Variants in CTNNA2 observed in about 807,000 individuals in gnomAD.
CTNNA2 encodes catenin alpha-2.
CTNNA2 carries 42 observed loss-of-function variants against 101.0 expected under a neutral mutation model. The observed-to-expected ratio is 0.42, with a 90% CI of 0.32 to 0.54. CTNNA2 has a LOEUF of 0.54. Among genes scored for constraint, CTNNA2 ranks in the 20% least tolerant of loss-of-function variants. CTNNA2 has a pLI of 0.14. For missense variants in CTNNA2, 871 were observed against 1,223.1 expected, an observed-to-expected ratio of 0.71 and a Z score of 4.29; for synonymous variants, 450 against 456.4, an observed-to-expected ratio of 0.99 and a Z score of 0.18.
intron 9 of CTNNA2, among the ~76,000 whole-genome samples, chr2:80,477,306 GCTTT>G (rs1685802984): frequency 6.6e-6 from 1 of 152,090 alleles, no homozygotes; most frequent in South Asian, 2.1e-4. Flanking sequence ...CTAACTGATT[GCTTT>G]CTAGTCTGTT....
At chr2:79,782,188 T>C (rs1674497738) in intron 3 of CTNNA2, among the ~76,000 whole-genome samples, 1 of 152,190 alleles carries the variant, frequency 6.6e-6, no homozygotes, top group East Asian at 1.9e-4. Context: ...AAGCAAACTT[T>C]GGAAGAGTTA....
chr2:79,884,348 T>C (rs1683677207), intron 6 of CTNNA2, among the ~76,000 whole-genome samples: 2 of 152,132 alleles, frequency 1.3e-5, no homozygotes, highest in African/African-American at 4.8e-5. Context: ...ATTGCCATAT[T>C]TTCGTTATCT....
At chr2:79,691,650 C>T (rs998888574) in intron 2 of CTNNA2, among the ~76,000 whole-genome samples, 4 of 152,024 alleles carry the variant, frequency 2.6e-5, no homozygotes, top group African/African-American at 9.7e-5. Context: ...GTAACCAAAA[C>T]AGCATGGTAC....
chr2:79,479,339 C>T (rs754304670), intron 4 of CTNNA2, among the ~76,000 whole-genome samples: 13 of 152,152 alleles, frequency 8.5e-5, no homozygotes, highest in Admixed American at 7.2e-4. Context: ...ACAATGCACC[C>T]GCTAACCCTC....
intron 3 of CTNNA2, among the ~76,000 whole-genome samples, chr2:79,792,161 T>C (rs72914613): frequency 0.06 from 9,123 of 152,154 alleles, 673 homozygotes; most frequent in East Asian, 0.16. Flanking sequence ...CTCTGCTTTC[T>C]GAGGTCTTGT....
intron 3 of CTNNA2, among the ~76,000 whole-genome samples, chr2:79,835,483 C>G (rs1679253035): frequency 6.6e-6 from 1 of 152,106 alleles, no homozygotes; most frequent in Admixed American, 6.5e-5. Flanking sequence ...ATTCCCCTAG[C>G]TTGGCTTGTT....
intron 8 of CTNNA2, among the ~76,000 whole-genome samples, chr2:80,402,048 GA>G (rs1678596894): frequency 6.6e-6 from 1 of 152,170 alleles, no homozygotes; most frequent in Admixed American, 6.5e-5. Context: ...ATTTCTGACT[GA>G]CCAGCTATAC....
rs1573264468 is a variant in CTNNA2, at chr2:80,162,580, C to A, written c.1057-230631C>A. The A allele has an allele frequency of 1.9e-6, 3 of 1,610,366 alleles. No individual in the cohort carries two copies. In the East Asian group the frequency reaches 6.7e-5, roughly 36 times the overall value. The stretch of plus-strand genomic sequence containing the variant: ...TTTCCTCTGTAATGATGGTCAGACC[C>A]ATGATCAGTGTAACGCTGTTCCCGG... On this transcript the variant is annotated intron_variant, in intron 7 of 18. Transcript: ENST00000402739.
chr2:79,518,659 A>T (rs1292546359), intron 1 of CTNNA2, among the ~76,000 whole-genome samples: 1 of 152,200 alleles, frequency 6.6e-6, no homozygotes, highest in African/African-American at 2.4e-5. Context: ...GTGAAAATTC[A>T]GTCTTCCAAG....
At position 79,953,389 on chromosome 2, in the gene CTNNA2, C is replaced by T. The variant is rs114801160; in HGVS notation, c.1056+43592C>T. ...AGAGATGAATGTGATATGGTATGTA[C>T]GCCTGAGTTCACACTCCTGTCCTCA... On this transcript the variant is annotated intron_variant, in intron 7 of 18. Transcript: ENST00000402739. Among the ~76,000 whole-genome samples the T allele has an allele frequency of 4.7e-3, 711 of 152,290 alleles. 8 individuals carry two copies. The highest frequency in any genetic ancestry group is 0.016 in the African/African-American group (672 of 41,582).
chr2:80,211,619 G>A (rs1707895660), intron 7 of CTNNA2, among the ~76,000 whole-genome samples: 1 of 152,160 alleles, frequency 6.6e-6, no homozygotes, highest in African/African-American at 2.4e-5. Context: ...GGTTACTGTA[G>A]CCTTGTAGTA....
intron 7 of CTNNA2, among the ~76,000 whole-genome samples, chr2:80,319,436 G>A (rs886371760): frequency 5.1e-4 from 77 of 152,230 alleles, no homozygotes; most frequent in African/African-American, 1.7e-3. Context: ...ATAATATGGC[G>A]AACAGTATAT....
At chr2:80,489,767 C>T (rs1686891921) in intron 9 of CTNNA2, among the ~76,000 whole-genome samples, 1 of 152,062 alleles carries the variant, frequency 6.6e-6, no homozygotes, top group Admixed American at 6.6e-5. Context: ...GATGTATTCT[C>T]ATGGAAATGA....
intron 7 of CTNNA2, among the ~76,000 whole-genome samples, chr2:80,296,727 A>G (rs550474056): frequency 1.3e-5 from 2 of 152,298 alleles, no homozygotes; most frequent in East Asian, 3.9e-4. Context: ...TTGACATTTT[A>G]GGTCAAATAA....
chr2:79,623,720 G>T (rs1573502291), intron 1 of CTNNA2, among the ~76,000 whole-genome samples: 2 of 152,074 alleles, frequency 1.3e-5, no homozygotes, highest in African/African-American at 4.8e-5. Context: ...AGATGCATGT[G>T]TACAGTCTAT....
intron 7 of CTNNA2, among the ~76,000 whole-genome samples, chr2:80,204,797 T>C (rs112839779): frequency 0.026 from 3,707 of 141,502 alleles, 162 homozygotes; most frequent in African/African-American, 0.093. Flanking sequence ...ATGCTGCTGA[T>C]AAAGACATAC....
chr2:80,219,464 C>G (rs1475227902), intron 7 of CTNNA2, among the ~76,000 whole-genome samples: 5 of 152,038 alleles, frequency 3.3e-5, no homozygotes, highest in Admixed American at 2.0e-4. Flanking sequence ...CTTTGAATCC[C>G]TATGAATTAT....
intron 7 of CTNNA2, among the ~76,000 whole-genome samples, chr2:80,074,960 G>A (rs1158375589): frequency 2.6e-5 from 4 of 152,106 alleles, no homozygotes; most frequent in African/African-American, 7.2e-5. Flanking sequence ...TGTCAATTAG[G>A]GAAGTCCGTT....
chr2:80,563,060 A>C (rs538822398), intron 12 of CTNNA2, among the ~76,000 whole-genome samples: 2 of 146,160 alleles, frequency 1.4e-5, no homozygotes, highest in Admixed American at 1.4e-4. Flanking sequence ...AAAAAAAAAA[A>C]AAGAAAGACA....
Sources: allele counts gnomAD v4.1 joint callset (sites outside exome capture counted in the v4.1 genomes callset), GRCh38; gene constraint gnomAD v4.1.1; transcripts MANE v1.5; gene names NCBI Gene and HGNC (gene_info 2026-07-23, HGNC 2026-07-21).